DCUN1D3: variants seen among roughly 807,000 people sequenced by gnomAD.
DCUN1D3 encodes DCN1-like protein 3.
In DCUN1D3, 6 loss-of-function variants were observed where a neutral mutation model predicts 24.8. The ratio of observed to expected loss-of-function variants is 0.24; its 90% CI spans 0.13 to 0.48. The LOEUF is 0.48. Among genes scored for constraint, DCUN1D3 ranks in the 20% least tolerant of loss-of-function variants. The pLI is 0.99. For missense variants in DCUN1D3, 258 were observed against 379.4 expected (o/e 0.68, Z 2.66); for synonymous variants, 120 against 144.9 (o/e 0.83, Z 1.24).
rs544391005 is a variant in DCUN1D3 at position 20,885,534 on chromosome 16, A to C, written c.-106+14670T>G. 9.2e-5 allele frequency among the ~76,000 whole-genome samples: 14 copies of C among 151,762 alleles called. No homozygotes were observed. In the South Asian group the frequency reaches 2.9e-3, roughly 32 times the overall value. On this transcript the variant is annotated intron_variant, in intron 1 of 2. Coordinates refer to ENST00000324344, the MANE Select transcript of DCUN1D3 (RefSeq NM_173475.4). ...TACACAGAAAATGTTTAGGGACTAC[A>C]GGTAATTAAGGCTTTAAAAAAAAAA...
At chr16:20,899,262 C>A (rs970790623) in intron 1 of DCUN1D3, among the ~76,000 whole-genome samples, 7 of 152,206 alleles carry the variant, frequency 4.6e-5, no homozygotes, top group African/African-American at 1.7e-4. Flanking sequence ...TTGGGAAGAG[C>A]TGACAACATG....
At chr16:20,888,328 A>G (rs117262804) in intron 1 of DCUN1D3, among the ~76,000 whole-genome samples, 51 of 152,354 alleles carry the variant, frequency 3.3e-4, no homozygotes, top group African/African-American at 1.2e-3. Flanking sequence ...CTCACTCCAT[A>G]CATGAGGAAG....
At chr16:20,897,886 G>GT (rs2081924051) in intron 1 of DCUN1D3, among the ~76,000 whole-genome samples, 1 of 152,162 alleles carries the variant, frequency 6.6e-6, no homozygotes, top group Non-Finnish European at 1.5e-5. Context: ...TGCAAAAACA[G>GT]TAAGTGATAA....
At chr16:20,878,079 G>A (rs1369166305) in intron 1 of DCUN1D3, among the ~76,000 whole-genome samples, 2 of 152,100 alleles carry the variant, frequency 1.3e-5, no homozygotes, top group Admixed American at 6.5e-5. Context: ...TTGGTTTATG[G>A]GTGTGAGCAC....
chr16:20,860,230 G>A lies in DCUN1D3; in HGVS notation c.571C>T (p.Leu191=), dbSNP rs1480452937. The A allele has an allele frequency of 8.7e-6, 14 of 1,614,198 alleles. No individual in the cohort carries two copies. The highest frequency in any genetic ancestry group is 1.2e-5 in the Non-Finnish European group (14 of 1,180,034). Residue 191 remains leucine (L), a synonymous_variant, in exon 3 of 3, where the codon CTG becomes TTG. Transcript: ENST00000324344. The surrounding 1 kb of genome is among the most constrained non-coding windows in gnomAD (Gnocchi z 4.3). ...GACCGCTGCCCTTCTTCAGAGTCCA[G>A]GCCAAACTGAAATGTAAACCGGTAG... The part of the protein sequence containing the change: ...DLYRFTFQFG[L]DSEEGQRSLH...
chr16:20,899,559 A>T (rs750713696), intron 1 of DCUN1D3, among the ~76,000 whole-genome samples: 3 of 151,978 alleles, frequency 2.0e-5, no homozygotes, highest in Non-Finnish European at 4.4e-5. Context: ...CACTATTGCC[A>T]CTCAGCCACA....
intron 1 of DCUN1D3, 65 bp from the exon 2 acceptor site, chr16:20,862,708 AG>A: frequency 7.1e-7 from 1 of 1,418,260 alleles, no homozygotes; most frequent in South Asian, 1.4e-5. Flanking sequence ...CCTACCTTCT[AG>A]GGTGCACACT....
Position 20,889,100 on chromosome 16 carries a change from T to G in DCUN1D3, c.-106+11104A>C, listed in dbSNP as rs777792048. Among the ~76,000 whole-genome samples the G allele has an allele frequency of 4.1e-4, 62 of 151,982 alleles. 1 individual carries two copies. Among genetic ancestry groups the G allele is most frequent in the Non-Finnish European group, 1.8e-4 (12 of 67,986 alleles). On this transcript the variant is annotated intron_variant, in intron 1 of 2. Coordinates refer to ENST00000324344, the MANE Select transcript of DCUN1D3 (RefSeq NM_173475.4). ...AAAATTAGCCGGGCGTGGTGGCACA[T>G]GCCTGTAGTCCCAGCTACTTGGGAG...
chr16:20,889,415 A>G (rs1481214102), intron 1 of DCUN1D3, among the ~76,000 whole-genome samples: 1 of 152,024 alleles, frequency 6.6e-6, no homozygotes, highest in Non-Finnish European at 1.5e-5. Flanking sequence ...AATCTGTATT[A>G]TAAAGTAAGC....
chr16:20,872,744 G>A (rs1166017937), intron 1 of DCUN1D3, among the ~76,000 whole-genome samples: 2 of 152,130 alleles, frequency 1.3e-5, no homozygotes. Flanking sequence ...GAAAAAAAAA[G>A]CCAATCACTA....
At chr16:20,874,884 T>C (rs1017531995) in intron 1 of DCUN1D3, among the ~76,000 whole-genome samples, 1 of 152,012 alleles carries the variant, frequency 6.6e-6, no homozygotes, top group African/African-American at 2.4e-5. Flanking sequence ...CAGAGTACAT[T>C]AACATGTGCA....
chr16:20,871,725 A>G (rs1473005607), intron 1 of DCUN1D3, among the ~76,000 whole-genome samples: 2 of 152,204 alleles, frequency 1.3e-5, no homozygotes, highest in African/African-American at 2.4e-5. Context: ...TTAATCCCAC[A>G]TAACTCAAAA....
In DCUN1D3 at chr16:20,862,548, G is replaced by C; in HGVS notation, c.-10C>G. ...TGACACACTGGCCCATGGTGCTGGT[G>C]GCCTGGCCTCTAGAGTGGACCCCTC... On this transcript the variant is annotated 5_prime_UTR_variant, in exon 2 of 3. Coordinates refer to ENST00000324344, the MANE Select transcript of DCUN1D3 (RefSeq NM_173475.4). 6.3e-7 allele frequency: 1 copy of C among 1,595,532 alleles called. No homozygotes were observed. The highest frequency in any genetic ancestry group is 1.7e-5 in the Admixed American group (1 of 59,650).
In DCUN1D3 at chr16:20,862,289, C is replaced by T. The variant is rs764271471; in HGVS notation, c.250G>A (p.Glu84Lys). The T allele has an allele frequency of 2.7e-5, 43 of 1,614,114 alleles. No homozygotes were observed. The highest frequency in any genetic ancestry group is 3.1e-5 in the Non-Finnish European group (37 of 1,180,048). The change falls in exon 2 of 3, where the codon GAG (glutamate) becomes AAG (lysine). Residue 84 changes from glutamate (E) to lysine (K), a missense_variant. Transcript: ENST00000324344. Reference protein sequence around the residue: ...DAGRESKSNAEESSLQRLEEL... With the variant: ...DAGRESKSNAKESSLQRLEEL... ...TCCAATCTTTGCAAGGAAGACTCCTCGGCATTGGACTTGGACTCCCTCCCA... is the reference window on the plus strand; with the variant it reads ...TCCAATCTTTGCAAGGAAGACTCCTTGGCATTGGACTTGGACTCCCTCCCA...
Position 20,887,093 on chromosome 16 carries a change from C to A in DCUN1D3, c.-106+13111G>T, listed in dbSNP as rs556345905. Among the ~76,000 whole-genome samples the A allele has an allele frequency of 2.6e-5, 4 of 152,260 alleles. No individual in the cohort carries two copies. In the East Asian group the frequency reaches 5.8e-4, roughly 22 times the overall value. Reference sequence around the variant, plus strand: ...CTTTGGGAGGCCAAGGAGGGTGGATCGCCTGAGGTAAGGAGTTCAAGACCA... The same window carrying A: ...CTTTGGGAGGCCAAGGAGGGTGGATAGCCTGAGGTAAGGAGTTCAAGACCA... On this transcript the variant is annotated intron_variant, in intron 1 of 2. Coordinates refer to ENST00000324344, the MANE Select transcript of DCUN1D3 (RefSeq NM_173475.4).
At position 20,871,878 on chromosome 16, in the gene DCUN1D3, T is replaced by C. The variant is rs1442696795; in HGVS notation, c.-105-9235A>G. The stretch of plus-strand genomic sequence containing the variant: ...GGCACCAAATTTCTAGGTCATTCTT[T>C]GTTTTCACACCAGCTTTTCCAGTGA... On this transcript the variant is annotated intron_variant, in intron 1 of 2. Coordinates refer to ENST00000324344, the MANE Select transcript of DCUN1D3 (RefSeq NM_173475.4). 2.0e-5 allele frequency among the ~76,000 whole-genome samples: 3 copies of C among 152,390 alleles called. No homozygotes were observed. The East Asian group carries it at 5.8e-4, about 29-fold the overall frequency.
intron 1 of DCUN1D3, among the ~76,000 whole-genome samples, chr16:20,889,010 T>C (rs2081879477): frequency 6.6e-6 from 1 of 152,128 alleles, no homozygotes. Flanking sequence ...GGTAGATCAC[T>C]TGAGGTCAGG....
chr16:20,882,282 C>A (rs8058972), intron 1 of DCUN1D3, among the ~76,000 whole-genome samples: 1 of 143,094 alleles, frequency 7.0e-6, no homozygotes, highest in East Asian at 2.0e-4. Context: ...GATAGAGTTT[C>A]GCTTTTGTCA....
Position 20,857,284 on chromosome 16 carries a change from A to G in DCUN1D3, c.*2602T>C, listed in dbSNP as rs974131155. The G allele has an allele frequency of 3.3e-5, 5 of 152,236 alleles. No individual in the cohort carries two copies. Among genetic ancestry groups the G allele is most frequent in the Non-Finnish European group, 7.3e-5 (5 of 68,038 alleles). 9.4% of individuals were successfully genotyped at this position (152,236 alleles called of 1,614,324 possible). A position where few individuals can be genotyped will look rare whatever the true frequency, so the allele number is the denominator to read the frequency against. ...CTGGCTTCTCATTTGCAAATGGATCAATATAACCAAAAAATAACTAAATGG... is the reference window on the plus strand; with the variant it reads ...CTGGCTTCTCATTTGCAAATGGATCGATATAACCAAAAAATAACTAAATGG... On this transcript the variant is annotated 3_prime_UTR_variant, in exon 3 of 3. Transcript: ENST00000324344.
Sources: gnomAD v4.1 joint callset for allele counts (sites outside exome capture counted in the v4.1 genomes callset) on GRCh38, gnomAD v4.1.1 for gene constraint, Gnocchi (gnomAD v3.1) non-coding constraint, MANE v1.5 for transcripts, NCBI Gene and HGNC (gene_info 2026-07-23, HGNC 2026-07-21) for gene names.